The following RBFOX1 variants were observed in gnomAD, a reference collection of about 807,000 sequenced individuals.
RBFOX1 encodes the protein RNA binding protein fox-1 homolog 1.
Under a neutral mutation model 57.7 loss-of-function variants are expected in RBFOX1, and 8 were observed. That is an observed-to-expected ratio of 0.14 (90% CI 0.08 to 0.25). The LOEUF is 0.25. Among genes scored for constraint, RBFOX1 ranks in the 10% least tolerant of loss-of-function variants. RBFOX1 has a pLI of 1.00. For missense variants in RBFOX1, 611 were observed against 548.5 expected (o/e 1.11, Z -1.14); for synonymous variants, 326 against 222.4 (o/e 1.47, Z -4.15).
chr16:6,505,559 A>G (rs767113798), intron 2 of RBFOX1, among the ~76,000 whole-genome samples: 1 of 152,194 alleles, frequency 6.6e-6, no homozygotes, highest in Non-Finnish European at 1.5e-5. Flanking sequence ...ACAGCTAGAC[A>G]GAGATTATGG....
intron 1 of RBFOX1, among the ~76,000 whole-genome samples, chr16:6,214,657 GGGAGAA>G (rs1390905180): frequency 3.8e-5 from 5 of 130,898 alleles, no homozygotes; most frequent in Non-Finnish European, 4.9e-5. Context: ...CAGGGAGAGA[GGGAGAA>G]GGAGAGAGGG....
At chr16:6,675,389 G>C (rs1371490300) in intron 3 of RBFOX1, among the ~76,000 whole-genome samples, 1 of 151,818 alleles carries the variant, frequency 6.6e-6, no homozygotes. Context: ...TCTTGGAGTT[G>C]ACTGCAATTC....
At chr16:6,391,979 C>G (rs896253464) in intron 2 of RBFOX1, among the ~76,000 whole-genome samples, 4 of 152,120 alleles carry the variant, frequency 2.6e-5, no homozygotes, top group African/African-American at 7.2e-5. Context: ...GCTGTAAAAG[C>G]TTTTGAAGAA....
At chr16:6,442,040 A>T (rs904049060) in intron 2 of RBFOX1, among the ~76,000 whole-genome samples, 3 of 152,188 alleles carry the variant, frequency 2.0e-5, no homozygotes, top group African/African-American at 7.2e-5. Flanking sequence ...TTTGTTTCCA[A>T]GCTTTTAATT....
At chr16:6,949,281 C>G (rs1014316404) in intron 3 of RBFOX1, among the ~76,000 whole-genome samples, 2 of 152,100 alleles carry the variant, frequency 1.3e-5, no homozygotes, top group African/African-American at 4.8e-5. Context: ...CAAAACAAAC[C>G]CATAAAGGGA....
At chr16:7,365,024 C>G (rs182793861) in intron 4 of RBFOX1, among the ~76,000 whole-genome samples, 14 of 152,286 alleles carry the variant, frequency 9.2e-5, no homozygotes, top group Admixed American at 8.5e-4. Context: ...GTCTATCCAT[C>G]CGTCCGTCCG....
intron 2 of RBFOX1, among the ~76,000 whole-genome samples, chr16:5,479,513 C>T (rs774139289): frequency 6.6e-6 from 1 of 152,148 alleles, no homozygotes; most frequent in Non-Finnish European, 1.5e-5. Flanking sequence ...AATCCCAGCA[C>T]TTTGGGAGGC....
intron 2 of RBFOX1, among the ~76,000 whole-genome samples, chr16:6,555,300 A>C (rs969972914): frequency 6.6e-6 from 1 of 152,224 alleles, no homozygotes; most frequent in African/African-American, 2.4e-5. Flanking sequence ...GGGCATGATC[A>C]ATAGTTATAA....
intron 4 of RBFOX1, among the ~76,000 whole-genome samples, chr16:7,289,313 C>A (rs1475674414): frequency 1.3e-5 from 2 of 152,160 alleles, no homozygotes; most frequent in Admixed American, 1.3e-4. Flanking sequence ...ACAGGGCTGG[C>A]TGTCTTTCCC....
At chr16:7,551,686 G>A (rs1044906036) in intron 5 of RBFOX1, among the ~76,000 whole-genome samples, 2 of 152,166 alleles carry the variant, frequency 1.3e-5, no homozygotes, top group Non-Finnish European at 2.9e-5. Context: ...GTGGCATGCA[G>A]GAAGCTGCTG....
At chr16:6,685,329 G>A (rs1184311940) in intron 3 of RBFOX1, among the ~76,000 whole-genome samples, 1 of 143,200 alleles carries the variant, frequency 7.0e-6, no homozygotes, top group African/African-American at 2.6e-5. Flanking sequence ...AGGCCGGAGT[G>A]CAGTGGCTGG....
intron 2 of RBFOX1, among the ~76,000 whole-genome samples, chr16:6,478,407 ATATATATATATATATATATATATT>A (rs1233065139): frequency 2.3e-3 from 43 of 18,462 alleles, no homozygotes; most frequent in South Asian, 0.02. Flanking sequence ...ATATATATAT[ATATATATATATATATATATATATT>A]TTTTTTTTTT....
intron 4 of RBFOX1, among the ~76,000 whole-genome samples, chr16:7,267,749 G>C (rs1243945705): frequency 6.6e-6 from 1 of 152,084 alleles, no homozygotes; most frequent in Non-Finnish European, 1.5e-5. Flanking sequence ...CCAGCTACTT[G>C]GGAGGCTGAG....
chr16:7,106,967 G>A (rs1010143581), intron 4 of RBFOX1, among the ~76,000 whole-genome samples: 1 of 73,572 alleles, frequency 1.4e-5, no homozygotes, highest in African/African-American at 5.2e-5. Context: ...GCATTCCCAT[G>A]TAAGCCACAC....
chr16:6,661,161 C>T (rs1047487347), intron 3 of RBFOX1, among the ~76,000 whole-genome samples: 9 of 152,186 alleles, frequency 5.9e-5, no homozygotes, highest in Non-Finnish European at 1.0e-4. Context: ...TGTAATACCA[C>T]TGATTTTTTA....
At chr16:5,961,478 TA>T (rs113757945) in intron 4 of RBFOX1, among the ~76,000 whole-genome samples, 5,108 of 138,120 alleles carry the variant, frequency 0.037, 131 homozygotes, top group Admixed American at 0.087. Context: ...CTCTTTTGTT[TA>T]AAAAAAACAA....
intron 3 of RBFOX1, among the ~76,000 whole-genome samples, chr16:6,975,969 A>T (rs766910088): frequency 6.6e-6 from 1 of 152,072 alleles, no homozygotes; most frequent in African/African-American, 2.4e-5. Context: ...GTACTAAAAA[A>T]TACAAAAATT....
chr16:6,774,662 T>C (rs982861504), intron 3 of RBFOX1, among the ~76,000 whole-genome samples: 4 of 152,114 alleles, frequency 2.6e-5, no homozygotes, highest in Non-Finnish European at 5.9e-5. Flanking sequence ...ATATATAGAG[T>C]ATTCTTGACA....
intron 5 of RBFOX1, among the ~76,000 whole-genome samples, chr16:7,540,301 C>G (rs1245889609): frequency 6.6e-6 from 1 of 152,268 alleles, no homozygotes; most frequent in East Asian, 1.9e-4. Flanking sequence ...TTTAATAACT[C>G]AAGGTACCTG....
Sources: allele counts gnomAD v4.1 joint callset (sites outside exome capture counted in the v4.1 genomes callset), GRCh38; gene constraint gnomAD v4.1.1; transcripts MANE v1.5; gene names NCBI Gene and HGNC (gene_info 2026-07-23, HGNC 2026-07-21).